Variants in LSS observed in about 807,000 individuals in gnomAD.
The protein encoded by LSS is lanosterol synthase.
In LSS, 90 loss-of-function variants were observed where a neutral mutation model predicts 110.3. The ratio of observed to expected loss-of-function variants is 0.82; its 90% CI spans 0.69 to 0.97. The LOEUF is 0.97. LSS is among the 50% of genes least tolerant of loss of function. The pLI is 0.00. For missense variants in LSS, 927 were observed against 990.0 expected, an observed-to-expected ratio of 0.94 and a Z score of 0.85; for synonymous variants, 433 against 400.0, an observed-to-expected ratio of 1.08 and a Z score of -0.98.
Position 46,216,006 on chromosome 21 carries a change from C to T in LSS, c.784-213G>A, listed in dbSNP as rs553254381. On this transcript the variant is annotated intron_variant, in intron 7 of 21. Transcript: ENST00000397728. The surrounding 1 kb of genome is among the most constrained non-coding windows in gnomAD (Gnocchi z 4.2). ...CTCCCCAGCTCCATGAGTCCCAGGT[C>T]TGCCCAGAAGCTCATTTCCTCCCTC... is the stretch of plus-strand genomic sequence containing the variant. Among the ~76,000 whole-genome samples the T allele has an allele frequency of 1.2e-4, 19 of 152,276 alleles. No homozygotes were observed. The highest frequency in any genetic ancestry group is 4.3e-4 in the African/African-American group (18 of 41,552).
Position 46,196,941 on chromosome 21 carries a change from G to A in LSS, c.1671-674C>T, listed in dbSNP as rs182318350. Among the ~76,000 whole-genome samples, 20 of 152,334 alleles carry A rather than the reference G, an allele frequency of 1.3e-4. No homozygotes were observed. The East Asian group carries it at 2.5e-3, about 19-fold the overall frequency. ...TCCAGCTGAGGAATGGGATCGTGCC[G>A]AGGACCCTGTGTGCTCAGAGGCAGA... On this transcript the variant is annotated intron_variant, in intron 17 of 21. Coordinates refer to ENST00000397728, the MANE Select transcript of LSS (RefSeq NM_002340.6).
intron 3 of LSS, among the ~76,000 whole-genome samples, chr21:46,223,229 C>T (rs897462918): frequency 6.6e-6 from 1 of 152,202 alleles, no homozygotes; most frequent in African/African-American, 2.4e-5. Flanking sequence ...TTTTTACAAG[C>T]ATATGCCGCT....
At chr21:46,214,999 G>C (rs2080180882) in intron 9 of LSS, among the ~76,000 whole-genome samples, 181 bp downstream of exon 9, 1 of 152,048 alleles carries the variant, frequency 6.6e-6, no homozygotes, top group Non-Finnish European at 1.5e-5. Flanking sequence ...ACTGAGCTGG[G>C]CGTGCAGGGG....
chr21:46,215,772 CG>C lies in LSS; in HGVS notation c.804del (p.Phe268LeufsTer109). 6.2e-7 allele frequency: 1 copy of C among 1,611,868 alleles called. No individual in the cohort carries two copies. The highest frequency in any genetic ancestry group is 8.5e-7 in the Non-Finnish European group (1 of 1,178,846). On this transcript the variant is annotated frameshift_variant, in exon 8 of 22. Transcript: ENST00000397728. ...CTCTGCGCCAGCCAGTCAATGCTGG[CG>C]AAGTCCTCCACATAGAGCTCCTGGT... ...SLRQELYVEDFASIDWLAQRN... is the reference protein window; with the variant it reads ...SLRQELYVEDXASIDWLAQRN...
At chr21:46,215,505 G>A (rs1304763101) in intron 8 of LSS, among the ~76,000 whole-genome samples, 180 bp downstream of exon 8, 1 of 151,268 alleles carries the variant, frequency 6.6e-6, no homozygotes, top group Non-Finnish European at 1.5e-5. Flanking sequence ...GTGGACTCCT[G>A]AGAGTAGAAG....
chr21:46,207,840 C>A (rs907916056), intron 14 of LSS, among the ~76,000 whole-genome samples: 1 of 152,194 alleles, frequency 6.6e-6, no homozygotes, highest in East Asian at 1.9e-4. Flanking sequence ...GGCCCAGGTG[C>A]CCCCCACCCC....
chr21:46,197,424 G>C (rs2079923257), intron 17 of LSS, among the ~76,000 whole-genome samples: 1 of 152,150 alleles, frequency 6.6e-6, no homozygotes, highest in Non-Finnish European at 1.5e-5. Context: ...TTTTATAAAT[G>C]AATGCAACTA....
In LSS at chr21:46,205,819, G is replaced by C; in HGVS notation, c.1670+17C>G. 1 of 1,582,336 alleles carries C rather than the reference G, an allele frequency of 6.3e-7. No homozygotes were observed. The highest frequency in any genetic ancestry group is 8.6e-7 in the Non-Finnish European group (1 of 1,162,206). ...GACTTGGCAGCGCCCACACTGAATG[G>C]CTGAGACCCTCCTTACCGGATCTCC... On this transcript the variant is annotated intron_variant, in intron 17 of 21. Transcript: ENST00000397728.
At position 46,213,962 on chromosome 21, in the gene LSS, CA is replaced by C. The variant is rs551370164; in HGVS notation, c.1012-128del. On this transcript the variant is annotated intron_variant, in intron 9 of 21. Transcript: ENST00000397728. ...CCGTGCAGATCACTCAGGGCCAGGA[CA>C]GGGGCCTTCTGCTCTAACAGGCATT... The C allele has an allele frequency of 2.4e-3, 1,621 of 684,924 alleles. 8 individuals carry two copies. Among genetic ancestry groups the C allele is most frequent in the Non-Finnish European group, 3.2e-3 (1,223 of 379,342 alleles). The allele number at this position is 684,924 out of a possible 1,614,324, so 42.4% of individuals were successfully genotyped here.
chr21:46,217,893 G>C (rs1410600832), intron 6 of LSS, among the ~76,000 whole-genome samples: 1 of 152,120 alleles, frequency 6.6e-6, no homozygotes, highest in East Asian at 1.9e-4. Flanking sequence ...TGTGCTCTAC[G>C]GCCCGCCTCA....
intron 16 of LSS, 113 bp downstream of exon 16, chr21:46,206,559 G>A (rs1287915200): frequency 3.5e-6 from 3 of 862,042 alleles, no homozygotes; most frequent in African/African-American, 3.3e-5. Context: ...ATCTGCCGGT[G>A]AACCTGGGCC....
At position 46,206,724 on chromosome 21, in the gene LSS, C is replaced by T. The variant is rs752533784; in HGVS notation, c.1512G>A (p.Glu504=). 6.2e-7 allele frequency: 1 copy of T among 1,613,106 alleles called. No individual in the cohort carries two copies. Residue 504 remains glutamate (E), a synonymous_variant, in exon 16 of 22, where the codon GAG becomes GAA. Transcript: ENST00000397728. The stretch of plus-strand genomic sequence containing the variant: ...CCAGCAAGTGCCCCCCACGCTTGGT[C>T]TCATAGGTGGCGAACCCTCCATCTG... ...RNPDGGFATY[E]TKRGGHLLEL...
intron 3 of LSS, chr21:46,225,122 T>C: frequency 5.7e-6 from 1 of 176,516 alleles, no homozygotes; most frequent in Non-Finnish European, 1.2e-5. Context: ...ATCTAGATCA[T>C]ACATATGATT....
intron 17 of LSS, among the ~76,000 whole-genome samples, chr21:46,198,218 G>A (rs1341354282): frequency 6.6e-6 from 1 of 150,702 alleles, no homozygotes; most frequent in African/African-American, 2.4e-5. Flanking sequence ...AGTGAGCTAT[G>A]ATGGCACCAC....
In LSS at chr21:46,209,648, G is replaced by C. The variant is rs780790496; in HGVS notation, c.1195-23C>G. On this transcript the variant is annotated intron_variant, in intron 12 of 21. Coordinates refer to ENST00000397728, the MANE Select transcript of LSS (RefSeq NM_002340.6). This position sits in a 1 kb window ranked among gnomAD's most constrained non-coding sequence, Gnocchi z 4.4. ...CGCCTGGAAGAGACAGCAGGACAGA[G>C]AGGCTCAGCTGCCCTTGCACGGCCA... 6 of 1,601,296 alleles carry C rather than the reference G, an allele frequency of 3.7e-6. No homozygotes were observed. The highest frequency in any genetic ancestry group is 4.3e-6 in the Non-Finnish European group (5 of 1,173,502).
intron 10 of LSS, 71 bp from the exon 11 acceptor site, chr21:46,213,123 C>CAGGGTCTGGGT: frequency 6.8e-7 from 1 of 1,468,200 alleles, no homozygotes; most frequent in Non-Finnish European, 9.5e-7. Flanking sequence ...CCAGACCCTG[C>CAGGGTCTGGGT]ACTCAGGAGG....
intron 14 of LSS, 113 bp downstream of exon 14, chr21:46,208,138 G>A (rs985687343): frequency 1.2e-5 from 12 of 990,200 alleles, no homozygotes; most frequent in Middle Eastern, 2.4e-4. Context: ...ACCCAAAAAC[G>A]CCAAGGGAGG....
At chr21:46,192,714 T>A (rs2079840007) in intron 20 of LSS, 1 of 454,270 alleles carries the variant, frequency 2.2e-6, no homozygotes, top group Middle Eastern at 3.3e-4. Context: ...TACGTATGTC[T>A]GTGTGTGGCA....
chr21:46,206,007 G>T, intron 16 of LSS, 66 bp from the exon 17 acceptor site: 1 of 1,237,326 alleles, frequency 8.1e-7, no homozygotes. Context: ...TGCAGCTCAG[G>T]CAAAGCCACA....
Sources: gnomAD v4.1 joint callset for allele counts (sites outside exome capture counted in the v4.1 genomes callset) on GRCh38, gnomAD v4.1.1 for gene constraint, Gnocchi (gnomAD v3.1) non-coding constraint, MANE v1.5 for transcripts, NCBI Gene and HGNC (gene_info 2026-07-23, HGNC 2026-07-21) for gene names.